Variants in FOXP2 observed in about 807,000 individuals in gnomAD.
FOXP2 encodes the protein forkhead box protein P2.
Under a neutral mutation model 115.8 loss-of-function variants are expected in FOXP2, and 12 were observed. That is an observed-to-expected ratio of 0.10 (90% CI 0.07 to 0.17). FOXP2 has a LOEUF of 0.17. Among genes scored for constraint, FOXP2 ranks in the 10% least tolerant of loss-of-function variants. The pLI, the probability that FOXP2 is intolerant of heterozygous loss-of-function variation, is 1.00. For synonymous variants in FOXP2, 328 were observed against 297.7 expected, an observed-to-expected ratio of 1.10 and a Z score of -1.05; for missense variants, 629 against 843.5, an observed-to-expected ratio of 0.75 and a Z score of 3.15.
intron 2 of FOXP2, among the ~76,000 whole-genome samples, chr7:114,381,470 C>T (rs1164580664): frequency 6.6e-6 from 1 of 152,168 alleles, no homozygotes; most frequent in Non-Finnish European, 1.5e-5. Flanking sequence ...TAGATGGGGG[C>T]TATCCTTGAA....
At chr7:114,288,287 A>T (rs1291707097) in intron 2 of FOXP2, among the ~76,000 whole-genome samples, 2 of 151,946 alleles carry the variant, frequency 1.3e-5, no homozygotes, top group Non-Finnish European at 2.9e-5. Flanking sequence ...AATCACTGCT[A>T]TTGGGATTCC....
intron 2 of FOXP2, among the ~76,000 whole-genome samples, chr7:114,459,983 T>A (rs1435897912): frequency 6.6e-6 from 1 of 152,222 alleles, no homozygotes; most frequent in Non-Finnish European, 1.5e-5. Flanking sequence ...TAGCCATTCA[T>A]GCCCAAGTTT....
At chr7:114,463,058 TTGTTC>T (rs1255537838) in intron 2 of FOXP2, 1 of 435,428 alleles carries the variant, frequency 2.3e-6, no homozygotes, top group Non-Finnish European at 4.6e-6. Flanking sequence ...AGACAGGGTC[TTGTTC>T]TGTTTCCCAG....
At chr7:114,579,837 G>A (rs1801755983) in intron 3 of FOXP2, among the ~76,000 whole-genome samples, 2 of 152,114 alleles carry the variant, frequency 1.3e-5, no homozygotes, top group Admixed American at 6.6e-5. Context: ...TCAGTAAAAT[G>A]ATGAGTTATC....
At chr7:114,375,016 T>C (rs1403056716) in intron 2 of FOXP2, among the ~76,000 whole-genome samples, 1 of 151,916 alleles carries the variant, frequency 6.6e-6, no homozygotes, top group Non-Finnish European at 1.5e-5. Flanking sequence ...ATGCAGGGTG[T>C]TTATAAGGTG....
intron 2 of FOXP2, among the ~76,000 whole-genome samples, chr7:114,513,802 T>C (rs1318110346): frequency 7.9e-5 from 12 of 152,102 alleles, no homozygotes; most frequent in Non-Finnish European, 1.6e-4. Flanking sequence ...TAATATAATT[T>C]TCTAATTTAA....
intron 2 of FOXP2, among the ~76,000 whole-genome samples, chr7:114,492,535 T>C (rs564121002): frequency 6.6e-6 from 1 of 152,322 alleles, no homozygotes; most frequent in Non-Finnish European, 1.5e-5. Flanking sequence ...TCCTGCTTTC[T>C]CTTGTGGGCA....
At chr7:114,446,762 T>C (rs1187208429) in intron 2 of FOXP2, among the ~76,000 whole-genome samples, 3 of 150,778 alleles carry the variant, frequency 2.0e-5, no homozygotes, top group Non-Finnish European at 3.0e-5. Flanking sequence ...TTTTTTTTTT[T>C]GAGACAGAGT....
chr7:114,604,021 A>G (rs879891522), intron 3 of FOXP2, among the ~76,000 whole-genome samples: 1 of 152,218 alleles, frequency 6.6e-6, no homozygotes, highest in Non-Finnish European at 1.5e-5. Flanking sequence ...ACTATTTACA[A>G]TGTTAAGTAC....
chr7:114,232,510 T>C (rs1033766424), intron 1 of FOXP2, among the ~76,000 whole-genome samples: 13 of 152,146 alleles, frequency 8.5e-5, no homozygotes, highest in Non-Finnish European at 7.4e-5. Context: ...GGTATTTACA[T>C]ACAATAAAAT....
intron 1 of FOXP2, among the ~76,000 whole-genome samples, chr7:114,243,916 G>GT (rs3997270): frequency 0.15 from 21,848 of 144,416 alleles, 1,671 homozygotes; most frequent in African/African-American, 0.18. Flanking sequence ...TTTTTAGCTT[G>GT]TTTTTTTTTT....
At chr7:114,291,343 G>A (rs1430136432) in intron 2 of FOXP2, among the ~76,000 whole-genome samples, 2 of 99,120 alleles carry the variant, frequency 2.0e-5, no homozygotes, top group Non-Finnish European at 5.2e-5. Context: ...CCTACCAAAG[G>A]TTCTACCTCC....
chr7:114,379,768 C>T (rs1429606831), intron 2 of FOXP2, among the ~76,000 whole-genome samples: 1 of 152,132 alleles, frequency 6.6e-6, no homozygotes, highest in Non-Finnish European at 1.5e-5. Context: ...CAGGCCCTGA[C>T]TATCTGCTTG....
chr7:114,118,105 A>G (rs192188486), intron 1 of FOXP2, among the ~76,000 whole-genome samples: 125 of 152,224 alleles, frequency 8.2e-4, no homozygotes, highest in African/African-American at 2.8e-3. Context: ...TCTTCTTTCC[A>G]CCATAGCTGT....
chr7:114,325,842 T>TA (rs1009887248), intron 2 of FOXP2, among the ~76,000 whole-genome samples: 4 of 151,940 alleles, frequency 2.6e-5, no homozygotes, highest in African/African-American at 9.7e-5. Context: ...ATGCTATGTA[T>TA]AAAAAAAATT....
intron 2 of FOXP2, among the ~76,000 whole-genome samples, chr7:114,509,427 G>A (rs1339146967): frequency 6.6e-6 from 1 of 151,988 alleles, no homozygotes; most frequent in East Asian, 1.9e-4. Flanking sequence ...AAAGAGAAAG[G>A]TATTATGAAA....
intron 2 of FOXP2, among the ~76,000 whole-genome samples, chr7:114,432,261 A>G (rs1292753720): frequency 6.6e-6 from 1 of 152,050 alleles, no homozygotes; most frequent in East Asian, 1.9e-4. Flanking sequence ...TTAGGGAAAT[A>G]TGCAAAATTA....
intron 6 of FOXP2, among the ~76,000 whole-genome samples, chr7:114,640,283 C>A (rs975548695): frequency 2.6e-5 from 4 of 152,008 alleles, no homozygotes; most frequent in Admixed American, 2.6e-4. Flanking sequence ...AACAGAGAAA[C>A]CTTTCTTTAT....
intron 1 of FOXP2, among the ~76,000 whole-genome samples, chr7:114,197,427 T>G (rs973113472): frequency 6.6e-6 from 1 of 152,134 alleles, no homozygotes. Context: ...GAGCACAAAG[T>G]GCAACTCTGA....
Sources: gnomAD v4.1 joint callset for allele counts (sites outside exome capture counted in the v4.1 genomes callset) on GRCh38, gnomAD v4.1.1 for gene constraint, MANE v1.5 for transcripts, NCBI Gene and HGNC (gene_info 2026-07-23, HGNC 2026-07-21) for gene names.